The following HTR4 variants were observed in gnomAD, a reference collection of about 807,000 sequenced individuals.
HTR4 encodes the protein 5-hydroxytryptamine (serotonin) receptor 4, G protein-coupled.
In HTR4, 16 loss-of-function variants were observed where a neutral mutation model predicts 36.8. That is an observed-to-expected ratio of 0.43 (90% CI 0.29 to 0.66). HTR4 has a LOEUF of 0.66. Ranked by LOEUF, HTR4 falls within the 30% of genes least tolerant of loss-of-function variation. The pLI is 0.13. For synonymous variants in HTR4, 189 were observed against 185.1 expected, an observed-to-expected ratio of 1.02 and a Z score of -0.17; for missense variants, 438 against 490.9, an observed-to-expected ratio of 0.89 and a Z score of 1.02.
chr5:148,473,251 G>A (rs547631463), downstream of HTR4, among the ~76,000 whole-genome samples: 7 of 148,574 alleles, frequency 4.7e-5, no homozygotes, highest in African/African-American at 1.0e-4. Flanking sequence ...GCAGTGAGCC[G>A]AGATCGCGCC....
intron 5 of HTR4, among the ~76,000 whole-genome samples, chr5:148,471,605 A>G (rs974744219): frequency 2.0e-5 from 3 of 152,204 alleles, no homozygotes; most frequent in African/African-American, 7.2e-5. Flanking sequence ...AGAAGACTGT[A>G]CTTATGACTT....
chr5:148,478,502 G>T (rs528780263), downstream of HTR4, among the ~76,000 whole-genome samples: 22 of 152,172 alleles, frequency 1.4e-4, no homozygotes, highest in Non-Finnish European at 2.2e-4. Context: ...CTGAGGAAAT[G>T]ATTGTCACCT....
At position 148,506,088 on chromosome 5, in the gene HTR4, A is replaced by T. The variant is rs567886134; in HGVS notation, c.1076+3368T>A. On this transcript the variant is annotated intron_variant, in intron 6 of 6. Coordinates refer to ENST00000377888, the MANE Select transcript of HTR4 (RefSeq NM_000870.7). ...CAAGTCAACCCTAAGCCAAAAGAAC[A>T]AAGCTGGAGGCATCATGCTACCTGA... Among the ~76,000 whole-genome samples the T allele has an allele frequency of 3.7e-4, 57 of 152,364 alleles. 2 individuals are homozygous for T. The South Asian group carries it at 0.011, about 30-fold the overall frequency.
At chr5:148,530,274 C>A (rs1322503805) in intron 4 of HTR4, among the ~76,000 whole-genome samples, 1 of 152,158 alleles carries the variant, frequency 6.6e-6, no homozygotes, top group Non-Finnish European at 1.5e-5. Context: ...TGTTAGAGGT[C>A]TACGTGGCAG....
At chr5:148,590,549 C>A (rs998718227) in intron 2 of HTR4, among the ~76,000 whole-genome samples, 1 of 151,718 alleles carries the variant, frequency 6.6e-6, no homozygotes, top group Non-Finnish European at 1.5e-5. Context: ...TCAGCGCTAC[C>A]CACATGTTCA....
At chr5:148,576,285 T>C (rs1042512198) in intron 2 of HTR4, among the ~76,000 whole-genome samples, 1 of 151,534 alleles carries the variant, frequency 6.6e-6, no homozygotes, top group Admixed American at 6.6e-5. Context: ...ATCTCTGCAA[T>C]GAGAATTACA....
At chr5:148,474,274 G>T (rs1755641447), downstream of HTR4, among the ~76,000 whole-genome samples, 1 of 151,860 alleles carries the variant, frequency 6.6e-6, no homozygotes, top group South Asian at 2.1e-4. Flanking sequence ...CCAGCGGCAA[G>T]TTACTGAGAA....
intron 5 of HTR4, among the ~76,000 whole-genome samples, chr5:148,512,846 G>A (rs757295857): frequency 4.6e-5 from 7 of 152,072 alleles, no homozygotes; most frequent in Non-Finnish European, 7.4e-5. Context: ...CACTAGAATC[G>A]CTTGAACCCG....
intron 2 of HTR4, among the ~76,000 whole-genome samples, chr5:148,554,189 C>T (rs1759826150): frequency 6.6e-6 from 1 of 152,142 alleles, no homozygotes; most frequent in Admixed American, 6.6e-5. Flanking sequence ...TATTCTTCTG[C>T]CTCGGGCTTC....
chr5:148,472,361 C>A (rs192983197), downstream of HTR4, among the ~76,000 whole-genome samples: 1 of 152,272 alleles, frequency 6.6e-6, no homozygotes, highest in Non-Finnish European at 1.5e-5. Flanking sequence ...TCCTTACATT[C>A]CTGAGATGGT....
At chr5:148,503,009 C>T (rs372710333) in intron 6 of HTR4, among the ~76,000 whole-genome samples, 2 of 152,278 alleles carry the variant, frequency 1.3e-5, no homozygotes, top group East Asian at 1.9e-4. Context: ...ACCAAATCTA[C>T]GTCTGATTGG....
intron 2 of HTR4, among the ~76,000 whole-genome samples, chr5:148,583,817 C>A (rs1328412925): frequency 6.6e-6 from 1 of 152,016 alleles, no homozygotes. Context: ...GGTCATTTTT[C>A]GGCTGCTTTT....
chr5:148,636,236 T>G (rs759640581), intron 2 of HTR4, among the ~76,000 whole-genome samples: 10 of 152,184 alleles, frequency 6.6e-5, no homozygotes, highest in Non-Finnish European at 1.2e-4. Flanking sequence ...GATCTATACC[T>G]GAAATATACT....
At chr5:148,457,965 A>G (rs1317685030) in intron 5 of HTR4, among the ~76,000 whole-genome samples, 2 of 98,470 alleles carry the variant, frequency 2.0e-5, no homozygotes, top group African/African-American at 6.2e-5. Context: ...ATATATTAAA[A>G]TATAATATAT....
intron 2 of HTR4, among the ~76,000 whole-genome samples, chr5:148,634,634 C>A (rs1753459850): frequency 6.6e-6 from 1 of 152,146 alleles, no homozygotes. Flanking sequence ...AGGACTGAGT[C>A]CTCGGAGAAG....
intron 2 of HTR4, among the ~76,000 whole-genome samples, chr5:148,628,096 C>A (rs563799352): frequency 2.0e-5 from 3 of 152,308 alleles, no homozygotes; most frequent in South Asian, 4.1e-4. Context: ...GGATTTTAAT[C>A]CATTTTTAAA....
chr5:148,512,586 C>A (rs1757544167), intron 5 of HTR4, among the ~76,000 whole-genome samples: 1 of 152,094 alleles, frequency 6.6e-6, no homozygotes, highest in African/African-American at 2.4e-5. Flanking sequence ...AGAACCTATA[C>A]TTTTGGTTAG....
At chr5:148,477,104 A>G (rs141070986), downstream of HTR4, among the ~76,000 whole-genome samples, 20 of 152,326 alleles carry the variant, frequency 1.3e-4, no homozygotes, top group East Asian at 3.9e-3. Context: ...GCTGAAACTT[A>G]TGTTTTAGAG....
intron 2 of HTR4, among the ~76,000 whole-genome samples, chr5:148,554,157 C>A (rs549168735): frequency 2.0e-5 from 3 of 152,266 alleles, no homozygotes; most frequent in East Asian, 3.9e-4. Flanking sequence ...CTCACTGCAA[C>A]CTCTGCCTCC....
Sources: gnomAD v4.1 joint callset for allele counts (sites outside exome capture counted in the v4.1 genomes callset) on GRCh38, gnomAD v4.1.1 for gene constraint, MANE v1.5 for transcripts, NCBI Gene and HGNC (gene_info 2026-07-23, HGNC 2026-07-21) for gene names.